The following THSD7B variants were observed in gnomAD, a reference collection of about 807,000 sequenced individuals.
THSD7B encodes thrombospondin type 1 domain containing 7B.
THSD7B carries 138 observed loss-of-function variants against 213.6 expected under a neutral mutation model. The ratio of observed to expected loss-of-function variants is 0.65; its 90% CI spans 0.56 to 0.74. The LOEUF (loss-of-function observed/expected upper bound fraction) is 0.74. Among genes scored for constraint, THSD7B ranks in the 30% least tolerant of loss-of-function variants. THSD7B has a pLI of 0.00. For synonymous variants in THSD7B, 742 were observed against 687.0 expected (o/e 1.08, Z -1.25); for missense variants, 1,931 against 1,991.5 (o/e 0.97, Z 0.58).
At chr2:137,098,384 C>T (rs1688078937) in intron 4 of THSD7B, among the ~76,000 whole-genome samples, 1 of 152,156 alleles carries the variant, frequency 6.6e-6, no homozygotes, top group Non-Finnish European at 1.5e-5. Flanking sequence ...AACAGACAAA[C>T]TTCCCTCATG....
At chr2:136,774,313 G>C (rs1022717373) in intron 1 of THSD7B, among the ~76,000 whole-genome samples, 2 of 152,000 alleles carry the variant, frequency 1.3e-5, no homozygotes, top group African/African-American at 4.8e-5. Flanking sequence ...ATGACATGCA[G>C]CCCACCAAGG....
chr2:137,069,785 G>A (rs979065426), intron 3 of THSD7B, among the ~76,000 whole-genome samples: 8 of 151,346 alleles, frequency 5.3e-5, no homozygotes, highest in African/African-American at 1.9e-4. Flanking sequence ...TTCATAATTT[G>A]TTCTTTGAAA....
At chr2:136,945,014 C>T (rs1017018102) in intron 2 of THSD7B, among the ~76,000 whole-genome samples, 3 of 152,164 alleles carry the variant, frequency 2.0e-5, no homozygotes, top group Non-Finnish European at 4.4e-5. Flanking sequence ...CATGTTTTTG[C>T]AGTGGCTGGT....
chr2:136,805,075 C>T (rs1287593105), intron 1 of THSD7B, among the ~76,000 whole-genome samples: 8 of 152,264 alleles, frequency 5.3e-5, no homozygotes, highest in Middle Eastern at 3.4e-3. Flanking sequence ...CATAGCTGCT[C>T]TTTCTTTCTT....
intron 12 of THSD7B, among the ~76,000 whole-genome samples, chr2:137,359,368 T>G: frequency 6.6e-6 from 1 of 152,148 alleles, no homozygotes; most frequent in East Asian, 1.9e-4. Flanking sequence ...AAGACCAGCT[T>G]TATCTTAAAA....
intron 2 of THSD7B, among the ~76,000 whole-genome samples, chr2:137,034,169 G>A (rs1193985151): frequency 1.3e-5 from 2 of 152,080 alleles, no homozygotes; most frequent in Non-Finnish European, 2.9e-5. Flanking sequence ...TGGTGTATAT[G>A]TACCACATTT....
At chr2:137,295,157 G>A (rs1220802373) in intron 12 of THSD7B, among the ~76,000 whole-genome samples, 2 of 151,734 alleles carry the variant, frequency 1.3e-5, no homozygotes, top group Non-Finnish European at 2.9e-5. Flanking sequence ...TTTCTCACTG[G>A]AGTTATTATA....
intron 15 of THSD7B, among the ~76,000 whole-genome samples, chr2:137,562,261 A>G (rs1681134183): frequency 6.6e-6 from 1 of 152,164 alleles, no homozygotes; most frequent in East Asian, 1.9e-4. Context: ...AATTAACTAC[A>G]TTGGTGATAG....
chr2:137,390,553 G>A (rs1468783319), intron 12 of THSD7B, among the ~76,000 whole-genome samples: 1 of 152,084 alleles, frequency 6.6e-6, no homozygotes, highest in African/African-American at 2.4e-5. Context: ...TCTCTGGCTA[G>A]GAATTCCAGT....
chr2:136,879,668 T>C (rs549854165), intron 1 of THSD7B, among the ~76,000 whole-genome samples: 1 of 152,298 alleles, frequency 6.6e-6, no homozygotes, highest in South Asian at 2.1e-4. Context: ...TATTTTATTC[T>C]CTTTGAAGCA....
chr2:137,050,321 G>C (rs1277966130), intron 2 of THSD7B, among the ~76,000 whole-genome samples: 1 of 152,162 alleles, frequency 6.6e-6, no homozygotes, highest in Non-Finnish European at 1.5e-5. Flanking sequence ...TAGCTGATAA[G>C]TGGTTCAAAT....
At chr2:136,869,358 G>C (rs532258062) in intron 1 of THSD7B, among the ~76,000 whole-genome samples, 1 of 152,150 alleles carries the variant, frequency 6.6e-6, no homozygotes, top group African/African-American at 2.4e-5. Flanking sequence ...TAATTTAAAT[G>C]CTATTTAAGA....
chr2:137,393,396 T>G (rs1686091520), intron 12 of THSD7B, among the ~76,000 whole-genome samples: 1 of 149,346 alleles, frequency 6.7e-6, no homozygotes. Flanking sequence ...CACCTATGAG[T>G]GAGAATGTGC....
intron 1 of THSD7B, among the ~76,000 whole-genome samples, chr2:136,821,440 T>C (rs921081725): frequency 1.3e-5 from 2 of 152,256 alleles, no homozygotes; most frequent in Non-Finnish European, 1.5e-5. Flanking sequence ...CTGCAGGGAC[T>C]GGCTAGCATG....
intron 2 of THSD7B, among the ~76,000 whole-genome samples, chr2:136,897,642 G>A (rs1573696898): frequency 6.6e-6 from 1 of 152,220 alleles, no homozygotes; most frequent in East Asian, 1.9e-4. Context: ...GGCTCAGGTG[G>A]CCAGCTTTTA....
intron 14 of THSD7B, among the ~76,000 whole-genome samples, chr2:137,446,229 G>C (rs1049094183): frequency 1.3e-5 from 2 of 151,902 alleles, no homozygotes; most frequent in African/African-American, 4.8e-5. Context: ...ATCTTAACAG[G>C]AGAAAAACGT....
intron 11 of THSD7B, among the ~76,000 whole-genome samples, chr2:137,274,803 T>C (rs1377800713): frequency 6.6e-6 from 1 of 152,102 alleles, no homozygotes; most frequent in African/African-American, 2.4e-5. Flanking sequence ...TGTATATCTA[T>C]GCATGTATAA....
intron 2 of THSD7B, among the ~76,000 whole-genome samples, chr2:137,055,477 A>G (rs114335901): frequency 0.021 from 3,166 of 152,300 alleles, 40 homozygotes; most frequent in Admixed American, 0.031. Flanking sequence ...TTGACACAAA[A>G]TGTGATTACT....
intron 2 of THSD7B, among the ~76,000 whole-genome samples, chr2:136,966,541 TTTTATTTTTATTTGAAA>T (rs2104796238): frequency 6.6e-6 from 1 of 152,326 alleles, no homozygotes; most frequent in South Asian, 2.1e-4. Context: ...AATCAGTCTT[TTTTATTTTTATTTGAAA>T]AAAACATTTT....
Sources: allele counts gnomAD v4.1 joint callset (sites outside exome capture counted in the v4.1 genomes callset), GRCh38; gene constraint gnomAD v4.1.1; transcripts MANE v1.5; gene names NCBI Gene and HGNC (gene_info 2026-07-23, HGNC 2026-07-21).